The following LRMDA variants were observed in gnomAD, a reference collection of about 807,000 sequenced individuals.
The protein encoded by LRMDA is leucine-rich melanocyte differentiation-associated protein.
In LRMDA, 18 loss-of-function variants were observed where a neutral mutation model predicts 29.8. The observed-to-expected ratio is 0.60, with a 90% CI of 0.42 to 0.90. LRMDA has a LOEUF of 0.90. Among genes scored for constraint, LRMDA ranks in the 40% least tolerant of loss-of-function variants. The pLI is 0.00. For synonymous variants in LRMDA, 125 were observed against 109.4 expected (o/e 1.14, Z -0.89); for missense variants, 273 against 273.9 (o/e 1.00, Z 0.02).
At chr10:75,750,362 G>A (rs943974887) in intron 2 of LRMDA, among the ~76,000 whole-genome samples, 12 of 151,524 alleles carry the variant, frequency 7.9e-5, no homozygotes, top group Non-Finnish European at 7.4e-5. Flanking sequence ...CTTCTCAGAC[G>A]GGGCAGCAGG....
intron 2 of LRMDA, among the ~76,000 whole-genome samples, chr10:75,840,988 A>T (rs1190758921): frequency 6.6e-6 from 1 of 152,250 alleles, no homozygotes; most frequent in African/African-American, 2.4e-5. Context: ...CTACTGTCAT[A>T]GAGACCCATC....
chr10:76,285,772 G>A (rs1170278072), intron 5 of LRMDA, among the ~76,000 whole-genome samples: 1 of 152,136 alleles, frequency 6.6e-6, no homozygotes, highest in Non-Finnish European at 1.5e-5. Context: ...AAAGCTGAGA[G>A]CTTCGTTTCT....
intron 2 of LRMDA, among the ~76,000 whole-genome samples, chr10:76,033,844 C>G (rs77246467): frequency 6.6e-6 from 1 of 152,144 alleles, no homozygotes; most frequent in East Asian, 1.9e-4. Flanking sequence ...CAGAAGAGCC[C>G]GAAAGTCCCC....
chr10:75,595,413 C>T (rs1304056595), intron 2 of LRMDA, among the ~76,000 whole-genome samples: 3 of 152,008 alleles, frequency 2.0e-5, no homozygotes, highest in Admixed American at 1.3e-4. Context: ...GGTTTATAGA[C>T]ATTCTATTCT....
At chr10:75,800,313 T>C in intron 2 of LRMDA, among the ~76,000 whole-genome samples, 1 of 152,236 alleles carries the variant, frequency 6.6e-6, no homozygotes, top group East Asian at 1.9e-4. Context: ...TGTACTTTTT[T>C]TGCAGCATAT....
intron 2 of LRMDA, among the ~76,000 whole-genome samples, chr10:75,729,001 C>T (rs1189981634): frequency 2.6e-5 from 4 of 152,148 alleles, no homozygotes; most frequent in Non-Finnish European, 5.9e-5. Context: ...TGCTCATCAC[C>T]TTCAGGTCCA....
intron 6 of LRMDA, among the ~76,000 whole-genome samples, chr10:76,484,395 G>T (rs943299565): frequency 6.6e-6 from 1 of 151,772 alleles, no homozygotes. Flanking sequence ...AGCAGTTCAG[G>T]GGAAGAAATG....
chr10:76,124,027 T>C (rs1849835310), intron 5 of LRMDA, among the ~76,000 whole-genome samples: 1 of 152,200 alleles, frequency 6.6e-6, no homozygotes, highest in African/African-American at 2.4e-5. Flanking sequence ...AAACTTTTGT[T>C]AATCTTGCTT....
chr10:75,888,967 T>C (rs1845437052), intron 2 of LRMDA, among the ~76,000 whole-genome samples: 1 of 152,210 alleles, frequency 6.6e-6, no homozygotes, highest in South Asian at 2.1e-4. Flanking sequence ...AATGCCTTAT[T>C]ACCTTTCTGT....
chr10:76,036,281 A>C (rs1267797977), intron 3 of LRMDA, 147 bp downstream of exon 3: 1 of 835,802 alleles, frequency 1.2e-6, no homozygotes, highest in African/African-American at 1.7e-5. Context: ...TCGTGGGCAG[A>C]CAAAGCATTC....
intron 2 of LRMDA, among the ~76,000 whole-genome samples, chr10:76,021,237 C>T (rs967231594): frequency 6.6e-6 from 1 of 152,110 alleles, no homozygotes; most frequent in South Asian, 2.1e-4. Flanking sequence ...AGAGAAGTCT[C>T]CAAGGAAATG....
intron 2 of LRMDA, among the ~76,000 whole-genome samples, chr10:75,566,967 G>A (rs1045540152): frequency 6.6e-6 from 1 of 152,104 alleles, no homozygotes; most frequent in African/African-American, 2.4e-5. Flanking sequence ...CCCTTCCCTT[G>A]CTTCCTTCCC....
intron 5 of LRMDA, among the ~76,000 whole-genome samples, chr10:76,309,273 G>A (rs1173233728): frequency 6.6e-6 from 1 of 152,152 alleles, no homozygotes; most frequent in African/African-American, 2.4e-5. Flanking sequence ...TCTGATGAGG[G>A]TGTGATTGGC....
intron 2 of LRMDA, among the ~76,000 whole-genome samples, chr10:75,711,651 TA>T (rs1842437494): frequency 6.6e-6 from 1 of 152,278 alleles, no homozygotes; most frequent in African/African-American, 2.4e-5. Context: ...TTATTGTGAA[TA>T]GGGGGTAAGA....
intron 2 of LRMDA, among the ~76,000 whole-genome samples, chr10:75,942,567 G>A (rs1846410211): frequency 6.6e-6 from 1 of 152,138 alleles, no homozygotes; most frequent in Non-Finnish European, 1.5e-5. Context: ...AACCAGAGAA[G>A]CAACCCATTT....
At chr10:76,059,562 T>C (rs1324594044) in intron 5 of LRMDA, among the ~76,000 whole-genome samples, 1 of 152,174 alleles carries the variant, frequency 6.6e-6, no homozygotes, top group Non-Finnish European at 1.5e-5. Flanking sequence ...TGGAGAACCA[T>C]CATTGCCTTG....
chr10:75,486,783 C>T (rs1844920096), intron 2 of LRMDA, among the ~76,000 whole-genome samples: 1 of 152,126 alleles, frequency 6.6e-6, no homozygotes, highest in Admixed American at 6.6e-5. Flanking sequence ...CAGTTGTCTC[C>T]ATTCAGTTGA....
At chr10:76,355,924 A>G (rs367619892) in intron 6 of LRMDA, among the ~76,000 whole-genome samples, 3 of 152,136 alleles carry the variant, frequency 2.0e-5, no homozygotes, top group African/African-American at 7.2e-5. Flanking sequence ...TGGAACTTGT[A>G]TTGTTCCCCT....
intron 6 of LRMDA, among the ~76,000 whole-genome samples, chr10:76,419,757 A>T (rs187033787): frequency 6.6e-6 from 1 of 152,020 alleles, no homozygotes; most frequent in Non-Finnish European, 1.5e-5. Flanking sequence ...TCTTTTATCC[A>T]TTTTTAAAAT....
Sources: gnomAD v4.1 joint callset for allele counts (sites outside exome capture counted in the v4.1 genomes callset) on GRCh38, gnomAD v4.1.1 for gene constraint, MANE v1.5 for transcripts, NCBI Gene and HGNC (gene_info 2026-07-23, HGNC 2026-07-21) for gene names.